Variants in WSCD1 observed in about 807,000 individuals in gnomAD.
WSCD1 encodes the protein sialate:O-sulfotransferase 1.
A neutral mutation model predicts 60.4 loss-of-function variants in WSCD1; 41 were observed. The ratio of observed to expected loss-of-function variants is 0.68; its 90% CI spans 0.53 to 0.88. WSCD1 has a LOEUF of 0.88. Ranked by LOEUF, WSCD1 falls within the 40% of genes least tolerant of loss-of-function variation. The probability of loss-of-function intolerance (pLI) is 0.00; values close to 1 mark genes in which losing one functional copy is unlikely to be tolerated. For synonymous variants in WSCD1, 361 were observed against 332.5 expected (o/e 1.09, Z -0.93); for missense variants, 784 against 796.2 (o/e 0.98, Z 0.18).
At chr17:6,069,945 G>A (rs1273023670), upstream of WSCD1, among the ~76,000 whole-genome samples, 3 of 151,644 alleles carry the variant, frequency 2.0e-5, no homozygotes, top group East Asian at 5.9e-4. Context: ...GAGTGTGGGT[G>A]TCGGTGTCTC....
intron 8 of WSCD1, among the ~76,000 whole-genome samples, chr17:6,119,792 G>A (rs1270992107): frequency 6.6e-6 from 1 of 152,182 alleles, no homozygotes; most frequent in African/African-American, 2.4e-5. Flanking sequence ...GACGGCGTTT[G>A]AGGTGTGTTA....
intron 4 of WSCD1, among the ~76,000 whole-genome samples, chr17:6,093,536 A>G (rs972593841): frequency 6.6e-6 from 1 of 152,090 alleles, no homozygotes; most frequent in African/African-American, 2.4e-5. Context: ...TGTCTGTTCT[A>G]TCCCCGTGGA....
At chr17:6,076,991 G>T (rs1055963105) in intron 1 of WSCD1, among the ~76,000 whole-genome samples, 3 of 152,194 alleles carry the variant, frequency 2.0e-5, no homozygotes, top group African/African-American at 7.2e-5. Context: ...CTGGAGGGGG[G>T]CTGCCAGCCT....
chr17:6,119,695 C>G (rs1277261408), intron 8 of WSCD1, among the ~76,000 whole-genome samples: 1 of 152,146 alleles, frequency 6.6e-6, no homozygotes, highest in Non-Finnish European at 1.5e-5. Context: ...CTTATCTTGT[C>G]TTCTGAGCCT....
chr17:6,109,869 G>A, intron 6 of WSCD1, 103 bp downstream of exon 6: 2 of 1,465,714 alleles, frequency 1.4e-6, no homozygotes, highest in Non-Finnish European at 1.9e-6. Context: ...CAGTTATGAG[G>A]TATGGCATGT....
At chr17:6,082,293 G>A (rs374773811) in intron 2 of WSCD1, among the ~76,000 whole-genome samples, 1 of 152,128 alleles carries the variant, frequency 6.6e-6, no homozygotes, top group Non-Finnish European at 1.5e-5. Flanking sequence ...GTGGGGGCGC[G>A]GGAAGTGGGA....
intron 1 of WSCD1, among the ~76,000 whole-genome samples, chr17:6,074,960 A>G (rs1908756464): frequency 6.6e-6 from 1 of 152,034 alleles, no homozygotes; most frequent in Non-Finnish European, 1.5e-5. Context: ...GGGCAAGGGG[A>G]AAGTCACAGG....
intron 5 of WSCD1, among the ~76,000 whole-genome samples, chr17:6,107,386 G>A (rs751966472): frequency 3.3e-5 from 5 of 151,852 alleles, no homozygotes; most frequent in East Asian, 1.9e-4. Flanking sequence ...CTGTAATCCC[G>A]GCTATTCAGG....
chr17:6,106,349 C>T (rs938143307), intron 5 of WSCD1, among the ~76,000 whole-genome samples: 2 of 152,218 alleles, frequency 1.3e-5, no homozygotes, highest in African/African-American at 4.8e-5. Context: ...AAACCGGGAA[C>T]AGCCCAGGTG....
At chr17:6,119,693 G>C (rs1904531413) in intron 8 of WSCD1, among the ~76,000 whole-genome samples, 1 of 152,120 alleles carries the variant, frequency 6.6e-6, no homozygotes, top group Non-Finnish European at 1.5e-5. Context: ...TGCTTATCTT[G>C]TCTTCTGAGC....
chr17:6,118,238 G>T lies in WSCD1; in HGVS notation c.1375+50G>T. On this transcript the variant is annotated intron_variant, in intron 8 of 8. Coordinates refer to ENST00000317744, the MANE Select transcript of WSCD1 (RefSeq NM_015253.2). The surrounding 1 kb of genome is among the most constrained non-coding windows in gnomAD (Gnocchi z 5.8). ...GTGGGAGGCTTGTCAGTACAGGTAG[G>T]TTGCTCATCAGGATGCAGGATCAAT... 6.3e-7 allele frequency: 1 copy of T among 1,589,762 alleles called. No homozygotes were observed.
chr17:6,078,756 G>A (rs989244424), intron 1 of WSCD1, among the ~76,000 whole-genome samples: 2 of 152,082 alleles, frequency 1.3e-5, no homozygotes, highest in Non-Finnish European at 2.9e-5. Flanking sequence ...TTTTAAGCAG[G>A]GACGCGCCAT....
intron 7 of WSCD1, among the ~76,000 whole-genome samples, chr17:6,111,934 T>C (rs1231925617): frequency 6.6e-6 from 1 of 152,112 alleles, no homozygotes; most frequent in Non-Finnish European, 1.5e-5. Context: ...GAAATAGATA[T>C]CATACAAACA....
chr17:6,119,788 G>A (rs757619461), intron 8 of WSCD1, among the ~76,000 whole-genome samples: 8 of 152,176 alleles, frequency 5.3e-5, no homozygotes, highest in Non-Finnish European at 1.2e-4. Flanking sequence ...TTCAGACGGC[G>A]TTTGAGGTGT....
chr17:6,109,699 A>G lies in WSCD1; in HGVS notation c.942A>G (p.Val314=), dbSNP rs368263454. 5.6e-6 allele frequency: 9 copies of G among 1,614,138 alleles called. No individual in the cohort carries two copies. Among genetic ancestry groups the G allele is most frequent in the Non-Finnish European group, 7.6e-6 (9 of 1,180,018 alleles). ...FNLRDAMDSS[V]CGQDPEAQRL... ...TGCGGGATGCCATGGACAGCTCAGT[A>G]TGTGGCCAGGACCCTGAGGCACAGA... Residue 314 remains valine, a synonymous_variant, in exon 6 of 9, where the codon GTA becomes GTG. Transcript: ENST00000317744.
chr17:6,069,804 T>TGTGC (rs1908415441), upstream of WSCD1, among the ~76,000 whole-genome samples: 2 of 122,856 alleles, frequency 1.6e-5, no homozygotes, highest in Non-Finnish European at 3.3e-5. Context: ...TGTGTGTGCG[T>TGTGC]GCGTGTGTGG....
chr17:6,087,935 G>A, intron 2 of WSCD1, 55 bp from the exon 3 acceptor site: 1 of 1,452,848 alleles, frequency 6.9e-7, no homozygotes, highest in Non-Finnish European at 9.6e-7. Flanking sequence ...CTTTTCCTAA[G>A]GGTGGGCCCA....
chr17:6,103,694 C>T (rs532031190), intron 5 of WSCD1, among the ~76,000 whole-genome samples: 51 of 152,230 alleles, frequency 3.4e-4, no homozygotes, highest in African/African-American at 1.1e-3. Flanking sequence ...CTACAGCGCA[C>T]GGAGAAGGGG....
At chr17:6,097,644 C>A (rs28673092) in intron 5 of WSCD1, among the ~76,000 whole-genome samples, 1 of 152,214 alleles carries the variant, frequency 6.6e-6, no homozygotes, top group African/African-American at 2.4e-5. Flanking sequence ...ACAAACGATG[C>A]GGCAGTGACT....
Sources: allele counts gnomAD v4.1 joint callset (sites outside exome capture counted in the v4.1 genomes callset), GRCh38; gene constraint gnomAD v4.1.1; non-coding constraint Gnocchi (gnomAD v3.1); transcripts MANE v1.5; gene names NCBI Gene and HGNC (gene_info 2026-07-23, HGNC 2026-07-21).